The following FAR1 variants were observed in gnomAD, a reference collection of about 807,000 sequenced individuals.
The protein encoded by FAR1 is fatty acyl-CoA reductase 1.
FAR1 carries 22 observed loss-of-function variants against 61.1 expected under a neutral mutation model. The ratio of observed to expected loss-of-function variants is 0.36; its 90% CI spans 0.26 to 0.51. The LOEUF (loss-of-function observed/expected upper bound fraction) is 0.51. Among genes scored for constraint, FAR1 ranks in the 20% least tolerant of loss-of-function variants. The pLI is 0.95. For synonymous variants in FAR1, 206 were observed against 209.7 expected, an observed-to-expected ratio of 0.98 and a Z score of 0.15; for missense variants, 359 against 626.9, an observed-to-expected ratio of 0.57 and a Z score of 4.56.
chr11:13,671,925 A>G (rs527275374), intron 1 of FAR1, among the ~76,000 whole-genome samples: 1 of 152,354 alleles, frequency 6.6e-6, no homozygotes, highest in South Asian at 2.1e-4. Context: ...CAGTGAAGAA[A>G]GAAAAAGATT....
intron 4 of FAR1, among the ~76,000 whole-genome samples, 164 bp downstream of exon 4, chr11:13,708,243 A>C (rs1285007190): frequency 6.6e-6 from 1 of 152,046 alleles, no homozygotes; most frequent in Non-Finnish European, 1.5e-5. Flanking sequence ...AGGCGCCTGT[A>C]GTCCCAGCTA....
At chr11:13,708,745 T>A (rs1848466766) in intron 4 of FAR1, among the ~76,000 whole-genome samples, 1 of 152,058 alleles carries the variant, frequency 6.6e-6, no homozygotes, top group African/African-American at 2.4e-5. Context: ...ATCAAAGGAT[T>A]CCCCTCACCA....
intron 1 of FAR1, among the ~76,000 whole-genome samples, chr11:13,692,836 T>C (rs1484514615): frequency 3.9e-5 from 6 of 152,226 alleles, no homozygotes; most frequent in Admixed American, 3.9e-4. Context: ...TTAGAGAATA[T>C]AGGAATTTAA....
chr11:13,676,156 TAA>T (rs1848066260), intron 1 of FAR1, among the ~76,000 whole-genome samples: 1 of 152,118 alleles, frequency 6.6e-6, no homozygotes, highest in Non-Finnish European at 1.5e-5. Flanking sequence ...TTTTAATTAT[TAA>T]GAGTGATAAA....
chr11:13,688,133 T>C (rs956810521), intron 1 of FAR1, among the ~76,000 whole-genome samples: 1 of 151,356 alleles, frequency 6.6e-6, no homozygotes, highest in South Asian at 2.1e-4. Context: ...AAAATAAATA[T>C]CAAAATGCAC....
chr11:13,708,178 A>T (rs1218525694), intron 4 of FAR1, 99 bp downstream of exon 4: 1 of 755,354 alleles, frequency 1.3e-6, no homozygotes, highest in East Asian at 3.0e-5. Context: ...CCAGGCCAAC[A>T]TAGTGAAACC....
rs1591254147 is a variant in FAR1, at chr11:13,678,248, A to G, written c.-8+9442A>G. Among the ~76,000 whole-genome samples the G allele has an allele frequency of 2.6e-5, 4 of 152,072 alleles. No homozygotes were observed. The South Asian group carries it at 8.3e-4, about 32-fold the overall frequency. ...TAATAGTTTATTCATAAGTAGCTTT[A>G]TGGATTAAAGGAAGGTCATGTTTTC... On this transcript the variant is annotated intron_variant, in intron 1 of 11. Transcript: ENST00000354817.
chr11:13,727,791 A>G (rs1848682642), intron 11 of FAR1, 108 bp downstream of exon 11: 1 of 998,036 alleles, frequency 1.0e-6, no homozygotes, highest in Non-Finnish European at 1.4e-6. Flanking sequence ...AAAGATGCAG[A>G]TAATTTTTAA....
rs554062593 is a variant in FAR1 at position 13,700,558 on chromosome 11, C to T, written c.365+66C>T. ...GTTATTAAAAAATCTCATTTTAATT[C>T]TACTTTTTAGTCAATTTGTTTTGAA... is the stretch of plus-strand genomic sequence containing the variant. On this transcript the variant is annotated intron_variant, in intron 3 of 11. Coordinates refer to ENST00000354817, the MANE Select transcript of FAR1 (RefSeq NM_032228.6). The T allele has an allele frequency of 2.7e-4, 280 of 1,045,464 alleles. 1 individual carries two copies. In the African/African-American group the frequency reaches 4.2e-3, roughly 16 times the overall value. 64.8% of individuals were successfully genotyped at this position (1,045,464 alleles called of 1,614,324 possible).
chr11:13,689,638 A>C (rs188100127), intron 1 of FAR1, among the ~76,000 whole-genome samples: 1 of 152,138 alleles, frequency 6.6e-6, no homozygotes, highest in Non-Finnish European at 1.5e-5. Flanking sequence ...ACTTATTTCT[A>C]TTGGGTATAT....
chr11:13,696,493 G>C (rs1848307511), intron 2 of FAR1, among the ~76,000 whole-genome samples: 1 of 152,120 alleles, frequency 6.6e-6, no homozygotes, highest in Non-Finnish European at 1.5e-5. Flanking sequence ...GGGGTCTTCA[G>C]AGCAGTGCTT....
chr11:13,681,270 G>A (rs529203019), intron 1 of FAR1, among the ~76,000 whole-genome samples: 245 of 152,252 alleles, frequency 1.6e-3, no homozygotes, highest in African/African-American at 5.5e-3. Context: ...ACAACTCTTC[G>A]TTGTACCGTA....
intron 10 of FAR1, among the ~76,000 whole-genome samples, chr11:13,725,948 A>G (rs1013266626): frequency 6.6e-6 from 1 of 150,720 alleles, no homozygotes; most frequent in Non-Finnish European, 1.5e-5. Context: ...CCTTTAGATT[A>G]TGTTTTGAAT....
At chr11:13,679,534 A>G (rs1305373266) in intron 1 of FAR1, among the ~76,000 whole-genome samples, 1 of 152,152 alleles carries the variant, frequency 6.6e-6, no homozygotes, top group Non-Finnish European at 1.5e-5. Context: ...GCTGTGTGTT[A>G]ACAAGAACAC....
chr11:13,696,342 GCTTT>G (rs942937674), intron 2 of FAR1, among the ~76,000 whole-genome samples: 76 of 152,226 alleles, frequency 5.0e-4, no homozygotes, highest in African/African-American at 1.6e-3. Context: ...TACGTTCCTG[GCTTT>G]TTAGACAGTT....
At chr11:13,690,083 C>T (rs548389147) in intron 1 of FAR1, among the ~76,000 whole-genome samples, 1 of 151,978 alleles carries the variant, frequency 6.6e-6, no homozygotes, top group Non-Finnish European at 1.5e-5. Context: ...ACCATGTTGG[C>T]CAGGCTGGTC....
At chr11:13,684,647 G>A (rs1848167146) in intron 1 of FAR1, among the ~76,000 whole-genome samples, 1 of 152,178 alleles carries the variant, frequency 6.6e-6, no homozygotes, top group African/African-American at 2.4e-5. Context: ...CTTGGTGCTG[G>A]ATTATCTGAA....
At chr11:13,676,305 CTTTA>C (rs1265481409) in intron 1 of FAR1, among the ~76,000 whole-genome samples, 4 of 152,046 alleles carry the variant, frequency 2.6e-5, no homozygotes, top group Non-Finnish European at 5.9e-5. Flanking sequence ...GCATGTGGTA[CTTTA>C]TTTATGGCTC....
At chr11:13,725,774 C>T (rs559121906) in intron 10 of FAR1, among the ~76,000 whole-genome samples, 2 of 152,210 alleles carry the variant, frequency 1.3e-5, no homozygotes, top group South Asian at 4.1e-4. Context: ...TAGTTGTAAG[C>T]AGCATATAGC....
Sources: allele counts gnomAD v4.1 joint callset (sites outside exome capture counted in the v4.1 genomes callset), GRCh38; gene constraint gnomAD v4.1.1; transcripts MANE v1.5; gene names NCBI Gene and HGNC (gene_info 2026-07-23, HGNC 2026-07-21).